The following ZNF365 variants were observed in gnomAD, a reference collection of about 807,000 sequenced individuals.
The protein encoded by ZNF365 is protein ZNF365.
In ZNF365, 22 loss-of-function variants were observed where a neutral mutation model predicts 35.0. The ratio of observed to expected loss-of-function variants is 0.63; its 90% CI spans 0.45 to 0.90. The LOEUF is 0.90. ZNF365 is among the 40% of genes least tolerant of loss of function. The probability of loss-of-function intolerance (pLI) is 0.00; values close to 1 mark genes in which losing one functional copy is unlikely to be tolerated. For synonymous variants in ZNF365, 188 were observed against 196.2 expected (o/e 0.96, Z 0.35); for missense variants, 448 against 500.3 (o/e 0.90, Z 1.00).
At chr10:62,474,437 T>C (rs1841094607) in intron 4 of ZNF365, among the ~76,000 whole-genome samples, 1 of 152,224 alleles carries the variant, frequency 6.6e-6, no homozygotes, top group Admixed American at 6.5e-5. Context: ...TGGCCTCAGA[T>C]AAATTGTCAT....
intron 3 of ZNF365, among the ~76,000 whole-genome samples, chr10:62,416,747 T>G (rs1248106927): frequency 6.6e-6 from 1 of 152,086 alleles, no homozygotes; most frequent in African/African-American, 2.4e-5. Context: ...TTTGGAATAT[T>G]AGCCTTATAC....
At chr10:62,462,428 G>A (rs1840862538) in intron 4 of ZNF365, among the ~76,000 whole-genome samples, 1 of 152,208 alleles carries the variant, frequency 6.6e-6, no homozygotes, top group Non-Finnish European at 1.5e-5. Flanking sequence ...CCCCTCAGAA[G>A]GGAGGAGGCT....
At position 62,474,660 on chromosome 10, in the gene ZNF365, A is replaced by G. The variant is rs149318205; in HGVS notation, c.982-5216A>G. Among the ~76,000 whole-genome samples the G allele has an allele frequency of 2.4e-3, 372 of 152,300 alleles. 1 individual carries two copies. The highest frequency in any genetic ancestry group is 8.5e-3 in the African/African-American group (354 of 41,568). ...AATAAGCCAATGATTCTCCAATCTC[A>G]TTGTCCACCTCAGATCTCTTCTGAG... On this transcript the variant is annotated intron_variant, in intron 4 of 4. Transcript: ENST00000395255.
intron 3 of ZNF365, among the ~76,000 whole-genome samples, chr10:62,394,727 G>A (rs1167068965): frequency 6.6e-6 from 1 of 152,208 alleles, no homozygotes; most frequent in Non-Finnish European, 1.5e-5. Context: ...CTAAATGGAA[G>A]GGGAAGGAAA....
intron 3 of ZNF365, among the ~76,000 whole-genome samples, chr10:62,396,237 T>C (rs1160409991): frequency 2.0e-5 from 3 of 152,242 alleles, no homozygotes; most frequent in Non-Finnish European, 4.4e-5. Flanking sequence ...TTTGTTCTTA[T>C]ATGTATGTAC....
intron 3 of ZNF365, among the ~76,000 whole-genome samples, chr10:62,459,075 G>A (rs569319325): frequency 7.2e-5 from 11 of 152,324 alleles, no homozygotes; most frequent in Non-Finnish European, 1.0e-4. Context: ...TTAGTACTAT[G>A]TATACATTTA....
chr10:62,441,934 G>T (rs181125762), intron 3 of ZNF365, among the ~76,000 whole-genome samples: 144 of 152,290 alleles, frequency 9.5e-4, no homozygotes, highest in African/African-American at 3.2e-3. Flanking sequence ...TGTCTCGTTT[G>T]CTTCAGCTCA....
At chr10:62,404,661 C>A (rs1425013966), downstream of ZNF365, among the ~76,000 whole-genome samples, 1 of 152,066 alleles carries the variant, frequency 6.6e-6, no homozygotes, top group South Asian at 2.1e-4. Flanking sequence ...TTAGGGACAC[C>A]GACTCCTGCG....
At chr10:62,453,615 T>A (rs1189333207) in intron 3 of ZNF365, among the ~76,000 whole-genome samples, 4 of 152,224 alleles carry the variant, frequency 2.6e-5, no homozygotes, top group Non-Finnish European at 4.4e-5. Flanking sequence ...GTACTTTTTT[T>A]AATATGTTGA....
At chr10:62,455,291 A>G (rs1840745183) in intron 3 of ZNF365, among the ~76,000 whole-genome samples, 3 of 152,208 alleles carry the variant, frequency 2.0e-5, no homozygotes, top group Admixed American at 6.5e-5. Context: ...GAAAGAGGTC[A>G]TGAAGCCCCA....
At chr10:62,403,614 C>T (rs1045181568), downstream of ZNF365, among the ~76,000 whole-genome samples, 4 of 152,054 alleles carry the variant, frequency 2.6e-5, no homozygotes, top group African/African-American at 7.2e-5. Context: ...GCTGAGATCG[C>T]GCCACTGCAC....
chr10:62,474,390 A>G (rs541703011), intron 4 of ZNF365, among the ~76,000 whole-genome samples: 16 of 151,142 alleles, frequency 1.1e-4, no homozygotes, highest in Non-Finnish European at 2.2e-4. Context: ...TATTCTGGTA[A>G]ATTATTTTTG....
intron 3 of ZNF365, among the ~76,000 whole-genome samples, chr10:62,390,742 G>A (rs1427120966): frequency 3.9e-5 from 6 of 152,110 alleles, no homozygotes; most frequent in Admixed American, 3.3e-4. Flanking sequence ...CATGCCTAGG[G>A]TATATGGTAT....
intron 3 of ZNF365, among the ~76,000 whole-genome samples, chr10:62,428,375 A>G (rs564979196): frequency 4.4e-4 from 67 of 152,214 alleles, no homozygotes; most frequent in African/African-American, 1.5e-3. Context: ...CATGGGGGTC[A>G]TTTCCCCCAT....
At chr10:62,421,913 A>G (rs955882729) in intron 3 of ZNF365, among the ~76,000 whole-genome samples, 1 of 152,226 alleles carries the variant, frequency 6.6e-6, no homozygotes, top group Non-Finnish European at 1.5e-5. Flanking sequence ...TCAGCTATTG[A>G]TTTGGATAAT....
intron 4 of ZNF365, among the ~76,000 whole-genome samples, chr10:62,465,247 C>T (rs79539661): frequency 0.037 from 5,685 of 152,272 alleles, 168 homozygotes; most frequent in East Asian, 0.19. Flanking sequence ...ACACACCAGT[C>T]GCCTCTCCAA....
chr10:62,434,149 T>C (rs972222257), intron 3 of ZNF365, among the ~76,000 whole-genome samples: 5 of 152,180 alleles, frequency 3.3e-5, no homozygotes, highest in Non-Finnish European at 1.5e-5. Context: ...GGCCTGAGAA[T>C]TGATATTTTA....
intron 3 of ZNF365, among the ~76,000 whole-genome samples, chr10:62,412,101 C>T (rs917922630): frequency 1.3e-5 from 2 of 152,114 alleles, no homozygotes; most frequent in Non-Finnish European, 2.9e-5. Context: ...ATCAAATTGG[C>T]TTCTTCCCTG....
chr10:62,438,786 A>AG (rs1018638215), intron 3 of ZNF365, among the ~76,000 whole-genome samples: 6 of 152,150 alleles, frequency 3.9e-5, no homozygotes, highest in African/African-American at 1.4e-4. Context: ...GTGCCTTTGA[A>AG]GCTTGCAATA....
Sources: allele counts gnomAD v4.1 joint callset (sites outside exome capture counted in the v4.1 genomes callset), GRCh38; gene constraint gnomAD v4.1.1; transcripts MANE v1.5; gene names NCBI Gene and HGNC (gene_info 2026-07-23, HGNC 2026-07-21).